Variants in CCDC148 observed in about 807,000 individuals in gnomAD.
The protein encoded by CCDC148 is coiled-coil domain containing 148.
In CCDC148, 89 loss-of-function variants were observed where a neutral mutation model predicts 85.7. That is an observed-to-expected ratio of 1.04 (90% CI 0.87 to 1.24). The LOEUF is 1.24. CCDC148 is among the 50% of genes most tolerant of loss of function. CCDC148 has a pLI of 0.00. For synonymous variants in CCDC148, 230 were observed against 213.9 expected, an observed-to-expected ratio of 1.08 and a Z score of -0.66; for missense variants, 692 against 671.7, an observed-to-expected ratio of 1.03 and a Z score of -0.33.
intron 7 of CCDC148, among the ~76,000 whole-genome samples, chr2:158,318,257 A>T (rs1692368311): frequency 6.6e-6 from 1 of 152,156 alleles, no homozygotes; most frequent in Admixed American, 6.5e-5. Context: ...CTGGGTATGC[A>T]TCTTCTATTC....
intron 1 of CCDC148, among the ~76,000 whole-genome samples, chr2:158,375,996 G>A (rs1337333513): frequency 4.6e-5 from 7 of 152,086 alleles, no homozygotes; most frequent in Admixed American, 4.6e-4. Context: ...ATCAGGTTCT[G>A]TAACTTTCAG....
chr2:158,185,155 C>T (rs1255431440), intron 11 of CCDC148, among the ~76,000 whole-genome samples: 1 of 152,132 alleles, frequency 6.6e-6, no homozygotes, highest in Non-Finnish European at 1.5e-5. Flanking sequence ...CCTTTCAACC[C>T]CATTCTTTCC....
At chr2:158,213,383 A>T (rs2105294245) in intron 11 of CCDC148, among the ~76,000 whole-genome samples, 1 of 152,354 alleles carries the variant, frequency 6.6e-6, no homozygotes, top group Non-Finnish European at 1.5e-5. Flanking sequence ...TGAGAAAAGC[A>T]AGCTATTTAT....
intron 1 of CCDC148, among the ~76,000 whole-genome samples, chr2:158,443,515 A>AAGAAAAG (rs1553524473): frequency 1.6e-4 from 16 of 100,898 alleles, no homozygotes; most frequent in Admixed American, 2.5e-4. Context: ...AAAAAAAAAA[A>AAGAAAAG]AAAAAAAAGA....
At chr2:158,192,862 G>GA (rs369190780) in intron 11 of CCDC148, among the ~76,000 whole-genome samples, 3,355 of 130,712 alleles carry the variant, frequency 0.026, 109 homozygotes, top group African/African-American at 0.075. Flanking sequence ...GGTCTAAATA[G>GA]AAAAAAAAAA....
intron 9 of CCDC148, among the ~76,000 whole-genome samples, chr2:158,268,401 A>C (rs1016858391): frequency 6.6e-6 from 1 of 152,164 alleles, no homozygotes; most frequent in Non-Finnish European, 1.5e-5. Flanking sequence ...TAAATCAAAC[A>C]TCTGTGTACC....
chr2:158,305,755 T>TAAAAAA (rs56227304), intron 9 of CCDC148, among the ~76,000 whole-genome samples: 1 of 87,874 alleles, frequency 1.1e-5, no homozygotes, highest in African/African-American at 4.8e-5. Flanking sequence ...CCCTGTCTCT[T>TAAAAAA]AAAAAAAAAA....
At chr2:158,182,850 G>C (rs984937710) in intron 11 of CCDC148, among the ~76,000 whole-genome samples, 2 of 152,134 alleles carry the variant, frequency 1.3e-5, no homozygotes, top group African/African-American at 4.8e-5. Context: ...CTGGGAGGAA[G>C]CCAAATACTC....
intron 11 of CCDC148, among the ~76,000 whole-genome samples, chr2:158,216,129 C>G (rs1686840583): frequency 6.6e-6 from 1 of 151,984 alleles, no homozygotes; most frequent in Non-Finnish European, 1.5e-5. Context: ...TGTTCTTAAA[C>G]TTGATTTTAT....
intron 1 of CCDC148, among the ~76,000 whole-genome samples, chr2:158,377,512 T>C (rs1419970525): frequency 6.6e-6 from 1 of 152,034 alleles, no homozygotes; most frequent in Admixed American, 6.6e-5. Context: ...ATAAAATGTA[T>C]GTATGTAATT....
At chr2:158,252,845 T>C (rs1469121245) in intron 9 of CCDC148, among the ~76,000 whole-genome samples, 1 of 151,280 alleles carries the variant, frequency 6.6e-6, no homozygotes, top group Non-Finnish European at 1.5e-5. Flanking sequence ...TGCAATTCAA[T>C]CCTATGTTAA....
At chr2:158,215,259 C>A (rs958982074) in intron 11 of CCDC148, among the ~76,000 whole-genome samples, 2 of 152,090 alleles carry the variant, frequency 1.3e-5, no homozygotes, top group Admixed American at 6.5e-5. Flanking sequence ...AAATAAGTTC[C>A]AGATGGCTAC....
intron 11 of CCDC148, among the ~76,000 whole-genome samples, chr2:158,209,081 C>T (rs1686414103): frequency 6.7e-6 from 1 of 149,148 alleles, no homozygotes; most frequent in African/African-American, 2.5e-5. Flanking sequence ...TATATACATA[C>T]ATACATGTGT....
chr2:158,335,621 T>A (rs1682335131), intron 7 of CCDC148, among the ~76,000 whole-genome samples: 1 of 152,038 alleles, frequency 6.6e-6, no homozygotes, highest in South Asian at 2.1e-4. Flanking sequence ...AACCATCAGA[T>A]CTGGAGACTT....
intron 2 of CCDC148, among the ~76,000 whole-genome samples, chr2:158,357,601 AT>A (rs1466424189): frequency 6.6e-6 from 1 of 152,214 alleles, no homozygotes; most frequent in Non-Finnish European, 1.5e-5. Flanking sequence ...ACATTAACTT[AT>A]TTTAAAGTTA....
chr2:158,351,926 CT>C (rs1174711373), intron 2 of CCDC148, among the ~76,000 whole-genome samples: 6 of 147,084 alleles, frequency 4.1e-5, no homozygotes, highest in Non-Finnish European at 8.9e-5. Context: ...CCCCTGACCC[CT>C]GAGCAGCCTA....
intron 2 of CCDC148, among the ~76,000 whole-genome samples, chr2:158,354,475 T>C (rs908581034): frequency 1.3e-5 from 2 of 151,786 alleles, no homozygotes; most frequent in South Asian, 2.1e-4. Flanking sequence ...CTAGAAAATC[T>C]AGAAGAAATG....
intron 9 of CCDC148, among the ~76,000 whole-genome samples, chr2:158,279,040 A>T (rs576591353): frequency 3.3e-5 from 5 of 152,236 alleles, no homozygotes; most frequent in Non-Finnish European, 7.3e-5. Context: ...GACCTCTAGC[A>T]AACTCTAACA....
chr2:158,171,241 T>C lies in CCDC148; in HGVS notation c.*872A>G, dbSNP rs1684314375. 1 of 151,574 alleles carries C rather than the reference T, an allele frequency of 6.6e-6. No individual in the cohort carries two copies. Among genetic ancestry groups the C allele is most frequent in the Non-Finnish European group, 1.5e-5 (1 of 67,864 alleles). 9.4% of individuals were successfully genotyped at this position (151,574 alleles called of 1,614,324 possible). ...CAACCCCTGGGAGGTAGGTGGGAAA[T>C]GTCAGGGAGCTGCAATAGACAGAAA... On this transcript the variant is annotated 3_prime_UTR_variant, in exon 14 of 14. Transcript: ENST00000283233.
Sources: allele counts gnomAD v4.1 joint callset (sites outside exome capture counted in the v4.1 genomes callset), GRCh38; gene constraint gnomAD v4.1.1; transcripts MANE v1.5; gene names NCBI Gene and HGNC (gene_info 2026-07-23, HGNC 2026-07-21).